PRIMA1: variants seen among roughly 807,000 people sequenced by gnomAD.
PRIMA1 encodes the protein proline-rich membrane anchor 1.
Under a neutral mutation model 17.5 loss-of-function variants are expected in PRIMA1, and 7 were observed. The ratio of observed to expected loss-of-function variants is 0.40; its 90% CI spans 0.23 to 0.75. PRIMA1 has a LOEUF of 0.75. Ranked by LOEUF, PRIMA1 falls within the 30% of genes least tolerant of loss-of-function variation. PRIMA1 has a pLI of 0.37. For missense variants in PRIMA1, 200 were observed against 201.8 expected, an observed-to-expected ratio of 0.99 and a Z score of 0.05; for synonymous variants, 97 against 77.9, an observed-to-expected ratio of 1.25 and a Z score of -1.29.
At chr14:93,750,067 TG>T (rs1419407488) in intron 3 of PRIMA1, among the ~76,000 whole-genome samples, 1 of 151,988 alleles carries the variant, frequency 6.6e-6, no homozygotes, top group African/African-American at 2.4e-5. Flanking sequence ...CTGTAGTCCC[TG>T]CTACTTGGGA....
chr14:93,771,355 ACAGCTCC>A (rs1205060909), intron 3 of PRIMA1, among the ~76,000 whole-genome samples: 1 of 152,208 alleles, frequency 6.6e-6, no homozygotes, highest in African/African-American at 2.4e-5. Context: ...CAAAAGGGAT[ACAGCTCC>A]CATCAGCCTC....
intron 3 of PRIMA1, among the ~76,000 whole-genome samples, chr14:93,768,539 G>C (rs1884959829): frequency 6.6e-6 from 1 of 152,146 alleles, no homozygotes; most frequent in Non-Finnish European, 1.5e-5. Context: ...CAAGCAACCA[G>C]GGCTCAAGTG....
chr14:93,745,202 A>G (rs981009580), intron 3 of PRIMA1, among the ~76,000 whole-genome samples: 3 of 152,032 alleles, frequency 2.0e-5, no homozygotes, highest in Non-Finnish European at 4.4e-5. Flanking sequence ...CCCACCATAG[A>G]CAGGAACAGT....
At chr14:93,738,808 G>A (rs747481036) in intron 3 of PRIMA1, among the ~76,000 whole-genome samples, 52 of 152,112 alleles carry the variant, frequency 3.4e-4, no homozygotes, top group Non-Finnish European at 6.5e-4. Context: ...AAGTGTCCCC[G>A]TGCCTCTTTC....
chr14:93,747,154 A>G (rs1298104051), intron 3 of PRIMA1, among the ~76,000 whole-genome samples: 1 of 152,192 alleles, frequency 6.6e-6, no homozygotes, highest in African/African-American at 2.4e-5. Flanking sequence ...GGGCACCTCA[A>G]CATGAGGAGG....
chr14:93,743,587 G>A (rs993646826), intron 3 of PRIMA1, among the ~76,000 whole-genome samples: 1 of 152,248 alleles, frequency 6.6e-6, no homozygotes, highest in Non-Finnish European at 1.5e-5. Context: ...TCAAGGAGCC[G>A]ATGTCGGTGA....
chr14:93,730,154 G>A (rs2076104618), intron 4 of PRIMA1, among the ~76,000 whole-genome samples: 1 of 152,194 alleles, frequency 6.6e-6, no homozygotes. Context: ...CAGTTTCTAT[G>A]TGCCAGGCAT....
chr14:93,750,656 C>T (rs1270075408), intron 3 of PRIMA1, among the ~76,000 whole-genome samples: 4 of 152,078 alleles, frequency 2.6e-5, no homozygotes, highest in Non-Finnish European at 5.9e-5. Context: ...CACTATCTCG[C>T]CTTTTACAGA....
chr14:93,780,453 A>G (rs981229396), intron 2 of PRIMA1, among the ~76,000 whole-genome samples: 5 of 152,208 alleles, frequency 3.3e-5, no homozygotes, highest in African/African-American at 1.2e-4. Context: ...ATGAATATGA[A>G]AAACTGGGCC....
intron 4 of PRIMA1, among the ~76,000 whole-genome samples, chr14:93,735,081 A>T (rs151079655): frequency 4.6e-5 from 7 of 152,244 alleles, no homozygotes; most frequent in African/African-American, 1.4e-4. Flanking sequence ...GCAGGGAGGG[A>T]GGCAGAAGTG....
chr14:93,755,334 G>A (rs999622033), intron 3 of PRIMA1, among the ~76,000 whole-genome samples: 5 of 152,146 alleles, frequency 3.3e-5, no homozygotes, highest in South Asian at 2.1e-4. Context: ...CTTTCACATC[G>A]GTGTGATGGG....
At chr14:93,763,284 C>T (rs984632454) in intron 3 of PRIMA1, among the ~76,000 whole-genome samples, 3 of 152,322 alleles carry the variant, frequency 2.0e-5, no homozygotes, top group Middle Eastern at 3.4e-3. Flanking sequence ...TGCCTCTAAA[C>T]CCCCGATCAG....
intron 2 of PRIMA1, among the ~76,000 whole-genome samples, chr14:93,781,144 C>T (rs1885367071): frequency 6.6e-6 from 1 of 152,256 alleles, no homozygotes; most frequent in East Asian, 1.9e-4. Context: ...TCCTGCTCAT[C>T]ACCTTTTAAT....
rs187604482 is a variant in PRIMA1, at chr14:93,734,494, A to G, written c.359+2747T>C. Among the ~76,000 whole-genome samples, 6 of 152,206 alleles carry G rather than the reference A, an allele frequency of 3.9e-5. No individual in the cohort carries two copies. In the East Asian group the frequency reaches 1.2e-3, roughly 29 times the overall value. Reference sequence around the variant, plus strand: ...GAGTCTCTCACGAGGTTCCCACGGCACTAGTTTCCCGCTTGCCTGTCTTCC... The same window carrying G: ...GAGTCTCTCACGAGGTTCCCACGGCGCTAGTTTCCCGCTTGCCTGTCTTCC... On this transcript the variant is annotated intron_variant, in intron 4 of 4. Coordinates refer to ENST00000393140, the MANE Select transcript of PRIMA1 (RefSeq NM_178013.4).
chr14:93,751,362 C>T (rs2076258208), intron 3 of PRIMA1, among the ~76,000 whole-genome samples: 3 of 152,210 alleles, frequency 2.0e-5, no homozygotes, highest in South Asian at 2.1e-4. Flanking sequence ...TGCTTTCACT[C>T]GGCTTCCCCC....
At chr14:93,776,230 C>A (rs939630130) in intron 3 of PRIMA1, among the ~76,000 whole-genome samples, 5 of 152,186 alleles carry the variant, frequency 3.3e-5, no homozygotes, top group African/African-American at 9.7e-5. Flanking sequence ...TATCCTGATA[C>A]GTGAGCCCAC....
intron 3 of PRIMA1, among the ~76,000 whole-genome samples, chr14:93,748,328 AC>A (rs988193838): frequency 1.3e-5 from 2 of 152,130 alleles, no homozygotes; most frequent in African/African-American, 4.8e-5. Context: ...CCCAGGGCCA[AC>A]CTGTGACGGC....
chr14:93,787,628 G>C lies in PRIMA1; in HGVS notation c.91C>G (p.Gln31Glu), dbSNP rs1449284468. 2 of 1,541,338 alleles carry C rather than the reference G, an allele frequency of 1.3e-6. No individual in the cohort carries two copies. Among genetic ancestry groups the C allele is most frequent in the African/African-American group, 2.7e-5 (2 of 73,188 alleles). ...CALHPLWGFV[Q>E]VTHGEPQKSC... Reference sequence around the variant, plus strand: ...AGTGCGCAGCCGGCGCGTCTCACCTGCACGAAGCCCCAGAGCGGGTGGAGC... The same window carrying C: ...AGTGCGCAGCCGGCGCGTCTCACCTCCACGAAGCCCCAGAGCGGGTGGAGC... Residue 31 changes from glutamine (Q) to glutamate (E), a missense_variant and splice_region_variant, in exon 2 of 5, where the codon CAG becomes GAG. Coordinates refer to ENST00000393140, the MANE Select transcript of PRIMA1 (RefSeq NM_178013.4).
At chr14:93,734,396 C>G (rs529684144) in intron 4 of PRIMA1, among the ~76,000 whole-genome samples, 1 of 152,218 alleles carries the variant, frequency 6.6e-6, no homozygotes, top group Admixed American at 6.5e-5. Flanking sequence ...CTTCCCCCTT[C>G]CTGCCTGTTT....
Sources: gnomAD v4.1 joint callset for allele counts (sites outside exome capture counted in the v4.1 genomes callset) on GRCh38, gnomAD v4.1.1 for gene constraint, MANE v1.5 for transcripts, NCBI Gene and HGNC (gene_info 2026-07-23, HGNC 2026-07-21) for gene names.